The following ABCC4 variants were observed in gnomAD, a reference collection of about 807,000 sequenced individuals.
ABCC4 encodes ATP-binding cassette sub-family C member 4.
A neutral mutation model predicts 168.5 loss-of-function variants in ABCC4; 102 were observed. That is an observed-to-expected ratio of 0.61 (90% CI 0.52 to 0.71). The LOEUF is 0.71. ABCC4 is among the 30% of genes least tolerant of loss of function. The pLI, the probability that ABCC4 is intolerant of heterozygous loss-of-function variation, is 0.00. For missense variants in ABCC4, 1,402 were observed against 1,605.8 expected, an observed-to-expected ratio of 0.87 and a Z score of 2.17; for synonymous variants, 617 against 590.7, an observed-to-expected ratio of 1.04 and a Z score of -0.65.
chr13:95,110,171 T>C (rs1033890770), intron 20 of ABCC4, among the ~76,000 whole-genome samples: 2 of 151,638 alleles, frequency 1.3e-5, no homozygotes, highest in Non-Finnish European at 2.9e-5. Flanking sequence ...TAGACAGGCG[T>C]GGTGGTGGGT....
intron 3 of ABCC4, among the ~76,000 whole-genome samples, chr13:95,240,767 T>C (rs2039919690): frequency 1.3e-5 from 2 of 152,112 alleles, no homozygotes; most frequent in Admixed American, 1.3e-4. Context: ...GGTCAGGAGT[T>C]CGAGACCAGG....
intron 1 of ABCC4, 119 bp downstream of exon 1, chr13:95,301,122 A>T: frequency 1.0e-6 from 1 of 958,236 alleles, no homozygotes; most frequent in Non-Finnish European, 1.5e-6. Context: ...GTGGCGTAGG[A>T]AAGCGCTCCC....
rs10644641 is a variant in ABCC4, at chr13:95,238,195, G to GAAA, written c.307-3364_307-3362dup. On this transcript the variant is annotated intron_variant, in intron 3 of 30. Coordinates refer to ENST00000645237, the MANE Select transcript of ABCC4 (RefSeq NM_005845.5). ...GAGAACAGCACAAGACTCCATCTCAGAAAAAAAAAAAAAAAAAAAAAGAAA... is the reference window on the plus strand; with the variant it reads ...GAGAACAGCACAAGACTCCATCTCAGAAAAAAAAAAAAAAAAAAAAAAAAGAAA... 3.8e-3 allele frequency among the ~76,000 whole-genome samples: 253 copies of GAAA among 65,812 alleles called. 5 individuals are homozygous for GAAA. Among genetic ancestry groups the GAAA allele is most frequent in the African/African-American group, 8.4e-3 (173 of 20,684 alleles). 43.2% of individuals were successfully genotyped at this position (65,812 alleles called of 152,430 possible). A position where few individuals can be genotyped will look rare whatever the true frequency, so the allele number is the denominator to read the frequency against.
chr13:95,231,862 A>T (rs981738894), intron 4 of ABCC4, among the ~76,000 whole-genome samples: 1 of 152,210 alleles, frequency 6.6e-6, no homozygotes, highest in African/African-American at 2.4e-5. Flanking sequence ...GGAAAAGAGG[A>T]AGAAAAACAG....
At chr13:95,268,757 C>T (rs1192502098) in intron 1 of ABCC4, among the ~76,000 whole-genome samples, 1 of 152,152 alleles carries the variant, frequency 6.6e-6, no homozygotes, top group East Asian at 1.9e-4. Flanking sequence ...ACCCTCTCCC[C>T]ACTATTACCC....
intron 19 of ABCC4, among the ~76,000 whole-genome samples, chr13:95,141,493 A>G (rs780173431): frequency 1.3e-5 from 2 of 151,358 alleles, no homozygotes; most frequent in Non-Finnish European, 2.9e-5. Flanking sequence ...CAAAGAATGT[A>G]CCATAAATAT....
chr13:95,146,269 G>C (rs1237228050), intron 19 of ABCC4, among the ~76,000 whole-genome samples: 1 of 151,384 alleles, frequency 6.6e-6, no homozygotes, highest in Non-Finnish European at 1.5e-5. Flanking sequence ...TATGGTAGGA[G>C]GAGGGCAAGG....
chr13:95,220,162 A>G (rs961527784), intron 4 of ABCC4, among the ~76,000 whole-genome samples: 4 of 146,576 alleles, frequency 2.7e-5, no homozygotes, highest in African/African-American at 1.0e-4. Flanking sequence ...CAACGTGCCC[A>G]GCCTGCTTTC....
intron 19 of ABCC4, among the ~76,000 whole-genome samples, chr13:95,143,640 T>C (rs989701225): frequency 2.6e-5 from 4 of 152,168 alleles, no homozygotes; most frequent in Admixed American, 6.5e-5. Flanking sequence ...AGGACACAAA[T>C]GCCAAGGAAT....
intron 27 of ABCC4, among the ~76,000 whole-genome samples, chr13:95,048,931 G>T (rs970192031): frequency 6.6e-6 from 1 of 152,154 alleles, no homozygotes; most frequent in African/African-American, 2.4e-5. Context: ...TATTTACAGA[G>T]TTGCTCTTAT....
chr13:95,076,083 G>A (rs1037148768), intron 21 of ABCC4, among the ~76,000 whole-genome samples: 2 of 152,084 alleles, frequency 1.3e-5, no homozygotes, highest in African/African-American at 4.8e-5. Context: ...CTCAGTAAGT[G>A]AGCTGAACAG....
At chr13:95,239,162 T>A (rs12430658) in intron 3 of ABCC4, among the ~76,000 whole-genome samples, 21,468 of 71,338 alleles carry the variant, frequency 0.3, 1,957 homozygotes, top group South Asian at 0.49. Flanking sequence ...CAATGTAAAC[T>A]GCAAAAAAAA....
intron 3 of ABCC4, among the ~76,000 whole-genome samples, chr13:95,237,193 T>A (rs1424063417): frequency 1.3e-5 from 2 of 152,150 alleles, no homozygotes; most frequent in Non-Finnish European, 2.9e-5. Context: ...TACCTAATTG[T>A]CCAGATTTCC....
At chr13:95,159,512 TGAG>T (rs961262815) in intron 19 of ABCC4, among the ~76,000 whole-genome samples, 2 of 152,082 alleles carry the variant, frequency 1.3e-5, no homozygotes, top group African/African-American at 4.8e-5. Flanking sequence ...TAAATCAGCA[TGAG>T]GAGAAGCCCA....
rs776662365 is a variant in ABCC4, at chr13:95,044,474, C to T, written c.3457-36G>A. 8 of 1,545,874 alleles carry T rather than the reference C, an allele frequency of 5.2e-6. No homozygotes were observed. The East Asian group carries it at 1.9e-4, about 36-fold the overall frequency. ...ACAAAGAAGAATGACTGCTATCATT[C>T]AAGCCGCTATGGAAGTAGTCAAGCC... On this transcript the variant is annotated intron_variant, in intron 27 of 30. Coordinates refer to ENST00000645237, the MANE Select transcript of ABCC4 (RefSeq NM_005845.5).
intron 4 of ABCC4, among the ~76,000 whole-genome samples, chr13:95,225,340 C>T (rs2039433538): frequency 1.3e-5 from 2 of 152,120 alleles, no homozygotes; most frequent in African/African-American, 4.8e-5. Flanking sequence ...AATTGTATTT[C>T]TATATACTAA....
intron 1 of ABCC4, among the ~76,000 whole-genome samples, chr13:95,256,763 A>G (rs1327564288): frequency 6.6e-6 from 1 of 152,176 alleles, no homozygotes; most frequent in Non-Finnish European, 1.5e-5. Context: ...GTCTCAAAAA[A>G]AAAGAAAAAA....
chr13:95,051,118 G>T (rs2032812458), intron 27 of ABCC4, among the ~76,000 whole-genome samples: 1 of 152,190 alleles, frequency 6.6e-6, no homozygotes, highest in Admixed American at 6.5e-5. Context: ...AATGAAATCA[G>T]AGGTCAATTG....
intron 19 of ABCC4, among the ~76,000 whole-genome samples, chr13:95,155,750 A>G (rs2036833646): frequency 6.6e-6 from 1 of 152,208 alleles, no homozygotes; most frequent in South Asian, 2.1e-4. Flanking sequence ...ACTTCTACCA[A>G]CACCAGCTCT....
Sources: allele counts gnomAD v4.1 joint callset (sites outside exome capture counted in the v4.1 genomes callset), GRCh38; gene constraint gnomAD v4.1.1; transcripts MANE v1.5; gene names NCBI Gene and HGNC (gene_info 2026-07-23, HGNC 2026-07-21).